ZKSCAN2: variants seen among roughly 807,000 people sequenced by gnomAD.
The protein encoded by ZKSCAN2 is zinc finger with KRAB and SCAN domains 2.
ZKSCAN2 carries 38 observed loss-of-function variants against 90.5 expected under a neutral mutation model. The ratio of observed to expected loss-of-function variants is 0.42; its 90% confidence interval spans 0.32 to 0.55. The LOEUF (loss-of-function observed/expected upper bound fraction) is 0.55. ZKSCAN2 is among the 20% of genes least tolerant of loss of function. The pLI, the probability that ZKSCAN2 is intolerant of heterozygous loss-of-function variation, is 0.11. For synonymous variants in ZKSCAN2, 429 were observed against 421.6 expected (o/e 1.02, Z -0.22); for missense variants, 1,167 against 1,202.6 (o/e 0.97, Z 0.44).
rs1167684631 is a variant in ZKSCAN2, at chr16:25,255,233, G to A, written c.559C>T (p.Arg187Ter). ...TTCTTGGGTAAGGGCCGACGTTCTC[G>A]CTTTCGGTTCAGCTGTTCCTGGTGT... is the stretch of plus-strand genomic sequence containing the variant. The part of the protein sequence containing the change: ...SGHQEQLNRK[R>*]ERRPLPKNAR... Residue 187 changes from arginine to a stop codon, truncating the protein, a stop_gained, in exon 2 of 7, where the codon CGA becomes TGA. Coordinates refer to ENST00000328086, the MANE Select transcript of ZKSCAN2 (RefSeq NM_001012981.5). LOFTEE classifies it high-confidence loss of function. 12 of 1,608,230 alleles carry A rather than the reference G, an allele frequency of 7.5e-6. No homozygotes were observed. In the Admixed American group the frequency reaches 1.9e-4, roughly 26 times the overall value.
intron 5 of ZKSCAN2, 34 bp from the exon 6 acceptor site, chr16:25,244,310 A>G (rs1353057809): frequency 6.3e-7 from 1 of 1,592,366 alleles, no homozygotes; most frequent in South Asian, 1.1e-5. Flanking sequence ...CAATGTAACA[A>G]AGAAAAGGAG....
In ZKSCAN2 at chr16:25,253,032, G is replaced by A; in HGVS notation, c.592C>T (p.Pro198Ser). Residue 198 changes from proline to serine, a missense_variant, in exon 3 of 7, where the codon CCT becomes TCT. Physicochemically the swap from Pro to Ser is moderately conservative, Grantham distance 74. Coordinates refer to ENST00000328086, the MANE Select transcript of ZKSCAN2 (RefSeq NM_001012981.5). ...ERRPLPKNAR[P>S]SPWVPALADE... Reference sequence around the variant, plus strand: ...GCAAGGGCAGGAACCCAGGGAGAAGGCCGAGCTGTAAGAATAGAAAGAAAC... The same window carrying A: ...GCAAGGGCAGGAACCCAGGGAGAAGACCGAGCTGTAAGAATAGAAAGAAAC... The A allele has an allele frequency of 1.2e-6, 2 of 1,613,516 alleles. No homozygotes were observed. The highest frequency in any genetic ancestry group is 1.7e-6 in the Non-Finnish European group (2 of 1,179,472).
chr16:25,242,791 A>G (rs559072572), intron 6 of ZKSCAN2, among the ~76,000 whole-genome samples: 2 of 152,380 alleles, frequency 1.3e-5, no homozygotes, highest in Admixed American at 6.5e-5. Context: ...TGAAACCTTA[A>G]TAAAAGTGTG....
At chr16:25,246,448 CA>C (rs1824188345) in intron 5 of ZKSCAN2, 1 of 526,616 alleles carries the variant, frequency 1.9e-6, no homozygotes, top group African/African-American at 1.9e-5. Flanking sequence ...CTTCCTTCCA[CA>C]AGGACCCAAA....
intron 4 of ZKSCAN2, 122 bp downstream of exon 4, chr16:25,251,787 A>G: frequency 2.5e-6 from 3 of 1,196,516 alleles, no homozygotes; most frequent in South Asian, 1.5e-5. Flanking sequence ...AAGTGATTAC[A>G]CTAGACAATC....
In ZKSCAN2 at chr16:25,256,831, C is replaced by A; in HGVS notation, c.297G>T (p.Glu99Asp). ...VIEQFLTILP[E>D]KIQAWAQKQC... ...GCTTCTGTGCCCAAGCCTGAATCTT[C>A]TCGGGTAAAATGGTGAGAAACTGCT... Residue 99 changes from glutamate to aspartate, a missense_variant, in exon 1 of 7, where the codon GAG becomes GAT. Coordinates refer to ENST00000328086, the MANE Select transcript of ZKSCAN2 (RefSeq NM_001012981.5). The A allele has an allele frequency of 1.2e-6, 2 of 1,614,192 alleles. No individual in the cohort carries two copies. Among genetic ancestry groups the A allele is most frequent in the Non-Finnish European group, 1.7e-6 (2 of 1,180,052 alleles).
intron 4 of ZKSCAN2, among the ~76,000 whole-genome samples, chr16:25,251,455 A>G (rs1963019780): frequency 6.6e-6 from 1 of 152,224 alleles, no homozygotes; most frequent in South Asian, 2.1e-4. Flanking sequence ...AAACTTCTGA[A>G]GACATTTTGG....
At chr16:25,251,829 T>C in intron 4 of ZKSCAN2, 80 bp downstream of exon 4, 3 of 1,503,718 alleles carry the variant, frequency 2.0e-6, no homozygotes, top group Non-Finnish European at 9.0e-7. Flanking sequence ...AACATTTCTA[T>C]CTGCCTATCT....
intron 2 of ZKSCAN2, among the ~76,000 whole-genome samples, chr16:25,253,652 A>C (rs1219712045): frequency 6.6e-6 from 1 of 152,252 alleles, no homozygotes; most frequent in Non-Finnish European, 1.5e-5. Context: ...GAGCACTATT[A>C]TGCACTGGCT....
At position 25,252,926 on chromosome 16, in the gene ZKSCAN2, A is replaced by G. The variant is rs750530643; in HGVS notation, c.678+20T>C. 3.7e-6 allele frequency: 6 copies of G among 1,602,132 alleles called. No homozygotes were observed. Among genetic ancestry groups the G allele is most frequent in the Non-Finnish European group, 5.1e-6 (6 of 1,169,488 alleles). Reference sequence around the variant, plus strand: ...GAGTGAGACTCCATCTCAAAGAAAAAAAAGACAATTACAATGTACCTGGGA... The same window carrying G: ...GAGTGAGACTCCATCTCAAAGAAAAGAAAGACAATTACAATGTACCTGGGA... On this transcript the variant is annotated intron_variant, in intron 3 of 6. Transcript: ENST00000328086.
intron 2 of ZKSCAN2, among the ~76,000 whole-genome samples, chr16:25,254,964 T>A (rs1963076003): frequency 6.7e-6 from 1 of 149,348 alleles, no homozygotes; most frequent in Non-Finnish European, 1.5e-5. Flanking sequence ...TGGCTAATAT[T>A]TTTTTTTTTT....
Position 25,244,180 on chromosome 16 carries a change from T to G in ZKSCAN2, c.1586A>C (p.Lys529Thr). The G allele has an allele frequency of 6.2e-7, 1 of 1,613,998 alleles. No homozygotes were observed. The highest frequency in any genetic ancestry group is 8.5e-7 in the Non-Finnish European group (1 of 1,179,982). ...EALQACHRKSKLYGAVAEQLR... is the reference protein window; with the variant it reads ...EALQACHRKSTLYGAVAEQLR... ...CTGTTCAGCTACAGCCCCATACAATTTGCTCTTCCGATGACAGGCTTGAAG... is the reference window on the plus strand; with the variant it reads ...CTGTTCAGCTACAGCCCCATACAATGTGCTCTTCCGATGACAGGCTTGAAG... The change falls in exon 6 of 7, where the codon AAA becomes ACA. Residue 529 changes from lysine (K) to threonine (T), a missense_variant. Transcript: ENST00000328086.
chr16:25,253,000 T>C lies in ZKSCAN2; in HGVS notation c.624A>G (p.Glu208=), dbSNP rs774486031. 2.5e-6 allele frequency: 4 copies of C among 1,613,960 alleles called. No homozygotes were observed. In the South Asian group the frequency reaches 3.3e-5, roughly 13 times the overall value. ...PSPWVPALAD[E]WNTLDQEVTT... ...TCACTTCCTGATCTAGGGTATTCCA[T>C]TCATCAGCAAGGGCAGGAACCCAGG... The change falls in exon 3 of 7, where the codon GAA becomes GAG. Residue 208 remains glutamate (E), a synonymous_variant. Coordinates refer to ENST00000328086, the MANE Select transcript of ZKSCAN2 (RefSeq NM_001012981.5).
At position 25,237,977 on chromosome 16, in the gene ZKSCAN2, A is replaced by AAAAATC. The variant is rs971998085; in HGVS notation, c.*1833_*1838dup. ...GAAATCTATAACTTGGACAACACAG[A>AAAAATC]AAAATCAACCTATTGAGATGTGAAC... On this transcript the variant is annotated 3_prime_UTR_variant, in exon 7 of 7. Coordinates refer to ENST00000328086, the MANE Select transcript of ZKSCAN2 (RefSeq NM_001012981.5). 2 of 152,280 alleles carry AAAAATC rather than the reference A, an allele frequency of 1.3e-5. No homozygotes were observed. Among genetic ancestry groups the AAAAATC allele is most frequent in the Admixed American group, 6.5e-5 (1 of 15,292 alleles). 9.4% of individuals were successfully genotyped at this position (152,280 alleles called of 1,614,324 possible). A position where few individuals can be genotyped will look rare whatever the true frequency, so the allele number is the denominator to read the frequency against.
chr16:25,253,114 G>A (rs1963045940), intron 2 of ZKSCAN2, 77 bp from the exon 3 acceptor site: 1 of 1,135,356 alleles, frequency 8.8e-7, no homozygotes, highest in African/African-American at 1.5e-5. Flanking sequence ...TTTAAGAGAT[G>A]AGTATGTATT....
Position 25,249,269 on chromosome 16 carries a change from C to T in ZKSCAN2, c.806-1879G>A, listed in dbSNP as rs1339423781. 2.0e-5 allele frequency among the ~76,000 whole-genome samples: 3 copies of T among 152,052 alleles called. No homozygotes were observed. In the South Asian group the frequency reaches 6.2e-4, roughly 31 times the overall value. ...ATAGTGACTATAATATGTAGTAATG[C>T]TTTGTCTATTTCAAAATTCCTAGAA... On this transcript the variant is annotated intron_variant, in intron 4 of 6. Coordinates refer to ENST00000328086, the MANE Select transcript of ZKSCAN2 (RefSeq NM_001012981.5).
chr16:25,247,083 G>C lies in ZKSCAN2; in HGVS notation c.1113C>G (p.Ser371Arg), dbSNP rs138008866. 4.2e-4 allele frequency: 673 copies of C among 1,614,068 alleles called. 1 individual carries two copies. Among genetic ancestry groups the C allele is most frequent in the Non-Finnish European group, 5.4e-4 (641 of 1,180,042 alleles). ...ATTCAGCCACAGCACCATACACTTG[G>C]CTATTTCGGGGACAGGCCTGAAGTG... is the stretch of plus-strand genomic sequence containing the variant. ...YETLQACPRN[S>R]QVYGAVAEWL... Residue 371 changes from serine to arginine, a missense_variant, in exon 5 of 7, where the codon AGC becomes AGG. Ser to Arg is a moderately radical substitution (Grantham distance 110). Coordinates refer to ENST00000328086, the MANE Select transcript of ZKSCAN2 (RefSeq NM_001012981.5).
chr16:25,255,312 C>T lies in ZKSCAN2; in HGVS notation c.480G>A (p.Val160=). The T allele has an allele frequency of 6.2e-7, 1 of 1,613,908 alleles. No individual in the cohort carries two copies. The highest frequency in any genetic ancestry group is 8.5e-7 in the Non-Finnish European group (1 of 1,179,966). Residue 160 remains valine, a synonymous_variant, in exon 2 of 7, where the codon GTG becomes GTA. Coordinates refer to ENST00000328086, the MANE Select transcript of ZKSCAN2 (RefSeq NM_001012981.5). Reference sequence around the variant, plus strand: ...GAGACACCGCCCTGGGTTGGGTCTCCACCTGCTCTGGCTGGAAGTCTGCCA... The same window carrying T: ...GAGACACCGCCCTGGGTTGGGTCTCTACCTGCTCTGGCTGGAAGTCTGCCA... The part of the protein sequence containing the change: ...WEVADFQPEQ[V]ETQPRAVSRE...
At chr16:25,255,512 ATTCC>A in intron 1 of ZKSCAN2, 120 bp from the exon 2 acceptor site, 2 of 1,109,362 alleles carry the variant, frequency 1.8e-6, no homozygotes, top group Non-Finnish European at 2.5e-6. Flanking sequence ...ATTCCACTCC[ATTCC>A]CAGTGGAGTC....
Sources: gnomAD v4.1 joint callset for allele counts (sites outside exome capture counted in the v4.1 genomes callset) on GRCh38, gnomAD v4.1.1 for gene constraint, MANE v1.5 for transcripts, NCBI Gene and HGNC (gene_info 2026-07-23, HGNC 2026-07-21) for gene names.